Variants in EXOC4 observed in about 807,000 individuals in gnomAD.
The protein encoded by EXOC4 is SEC8-like 1.
A neutral mutation model predicts 107.2 loss-of-function variants in EXOC4; 71 were observed. The ratio of observed to expected loss-of-function variants is 0.66; its 90% confidence interval spans 0.55 to 0.81. EXOC4 has a LOEUF of 0.81. EXOC4 is among the 30% of genes least tolerant of loss of function. The probability of loss-of-function intolerance (pLI) is 0.00; values close to 1 mark genes in which losing one functional copy is unlikely to be tolerated. For synonymous variants in EXOC4, 456 were observed against 441.2 expected (o/e 1.03, Z -0.42); for missense variants, 1,108 against 1,189.6 (o/e 0.93, Z 1.01).
At chr7:133,562,263 A>C (rs17167147) in intron 9 of EXOC4, among the ~76,000 whole-genome samples, 2 of 152,192 alleles carry the variant, frequency 1.3e-5, no homozygotes, top group East Asian at 3.9e-4. Flanking sequence ...GCTCTAGGCT[A>C]TCCAAGCCCA....
chr7:133,523,424 A>G (rs1042280633), intron 9 of EXOC4, among the ~76,000 whole-genome samples: 4 of 148,624 alleles, frequency 2.7e-5, no homozygotes, highest in African/African-American at 7.4e-5. Context: ...TTAAGAGTAT[A>G]TATACCTTTC....
chr7:134,082,033 G>C, the EXOC4 span, among the ~76,000 whole-genome samples: 2 of 152,180 alleles, frequency 1.3e-5, no homozygotes, highest in African/African-American at 4.8e-5. Context: ...TCCTGATCCA[G>C]ACCCCAAGAG....
At chr7:133,857,681 G>A (rs995220205) in intron 11 of EXOC4, among the ~76,000 whole-genome samples, 4 of 151,766 alleles carry the variant, frequency 2.6e-5, no homozygotes, top group South Asian at 2.1e-4. Context: ...TCCAGGCTCC[G>A]TGCAAGCCTA....
In EXOC4 at chr7:133,933,046, A is replaced by AT. The variant is rs11294833; in HGVS notation, c.2028-4832dup. 4.0e-4 allele frequency among the ~76,000 whole-genome samples: 60 copies of AT among 148,660 alleles called. 1 individual carries two copies. Among genetic ancestry groups the AT allele is most frequent in the Admixed American group, 1.1e-3 (17 of 14,894 alleles). On this transcript the variant is annotated intron_variant, in intron 13 of 17. Transcript: ENST00000253861. Reference sequence around the variant, plus strand: ...TGCATCAGGTCTGCTGAAAGCGCAGATTTTTTTTTTTTTCTTTTTTGCTTT... The same window carrying AT: ...TGCATCAGGTCTGCTGAAAGCGCAGATTTTTTTTTTTTTTCTTTTTTGCTTT...
chr7:133,909,033 T>G (rs1055376646), intron 12 of EXOC4, among the ~76,000 whole-genome samples: 2 of 152,150 alleles, frequency 1.3e-5, no homozygotes, highest in Non-Finnish European at 2.9e-5. Context: ...TTCCCCTCCA[T>G]GTGTCCATGT....
rs1358695118 is a variant in EXOC4, at chr7:133,872,516, C to G, written c.1735-23083C>G. On this transcript the variant is annotated intron_variant, in intron 11 of 17. Coordinates refer to ENST00000253861, the MANE Select transcript of EXOC4 (RefSeq NM_021807.4). ...TAGGCACTTAATTTTACCCTCATTG[C>G]TAGAACAAAAGGGAAACAATAAAAG... Among the ~76,000 whole-genome samples, 6 of 151,696 alleles carry G rather than the reference C, an allele frequency of 4.0e-5. No individual in the cohort carries two copies. The South Asian group carries it at 6.2e-4, about 16-fold the overall frequency.
chr7:133,282,371 G>A (rs564144675), intron 2 of EXOC4, among the ~76,000 whole-genome samples: 2 of 152,264 alleles, frequency 1.3e-5, no homozygotes, highest in African/African-American at 4.8e-5. Flanking sequence ...CTCTGAGAAA[G>A]CAAAGGAAAT....
intron 10 of EXOC4, among the ~76,000 whole-genome samples, chr7:133,776,017 G>A (rs998409168): frequency 6.6e-6 from 1 of 151,902 alleles, no homozygotes; most frequent in Non-Finnish European, 1.5e-5. Context: ...GGCATTATTG[G>A]GCATTCTGTA....
chr7:133,884,684 A>G (rs973485453), intron 11 of EXOC4, among the ~76,000 whole-genome samples: 4 of 151,996 alleles, frequency 2.6e-5, no homozygotes, highest in African/African-American at 4.8e-5. Context: ...CTCTGACCAT[A>G]TAGAACCTTA....
rs142054813 is a variant in EXOC4 at position 134,046,237 on chromosome 7, G to A, written c.2688-18054G>A. ...TGGCTCATGCCTATAATCCCACCAC[G>A]TTGGGAGGCTGAGACAGGCGGATCG... On this transcript the variant is annotated intron_variant, in intron 17 of 17. Coordinates refer to ENST00000253861, the MANE Select transcript of EXOC4 (RefSeq NM_021807.4). Among the ~76,000 whole-genome samples, 1,367 of 152,174 alleles carry A rather than the reference G, an allele frequency of 9.0e-3. 10 individuals carry two copies. The highest frequency in any genetic ancestry group is 0.014 in the Non-Finnish European group (951 of 68,014).
intron 1 of EXOC4, among the ~76,000 whole-genome samples, chr7:133,255,494 C>T (rs1304885479): frequency 6.6e-6 from 1 of 152,078 alleles, no homozygotes; most frequent in Non-Finnish European, 1.5e-5. Flanking sequence ...CTACTTTATC[C>T]TTGACCACCT....
chr7:134,094,858 T>C, the EXOC4 span, among the ~76,000 whole-genome samples: 1 of 152,034 alleles, frequency 6.6e-6, no homozygotes, highest in Non-Finnish European at 1.5e-5. Context: ...GCAAACATCA[T>C]ACTGAATGGG....
At chr7:133,709,074 G>A (rs780645255) in intron 10 of EXOC4, among the ~76,000 whole-genome samples, 91 of 152,324 alleles carry the variant, frequency 6.0e-4, no homozygotes, top group Middle Eastern at 6.8e-3. Flanking sequence ...TGATCTGGTT[G>A]CACAAATGGC....
rs1350410124 is a variant in EXOC4, at chr7:133,777,312, AGAGAGAGAG to A, written c.1515-40012_1515-40004del. On this transcript the variant is annotated intron_variant, in intron 10 of 17. Coordinates refer to ENST00000253861, the MANE Select transcript of EXOC4 (RefSeq NM_021807.4). ...GAGAGAGAGAGAGAGAGAGAGAGAGAGAGAGAGAGAATATATATATATATCAATTAAATG... is the reference window on the plus strand; with the variant it reads ...GAGAGAGAGAGAGAGAGAGAGAGAGAAATATATATATATATCAATTAAATG... Among the ~76,000 whole-genome samples the A allele has an allele frequency of 4.2e-4, 49 of 115,772 alleles. 1 individual carries two copies. The highest frequency in any genetic ancestry group is 9.5e-4 in the African/African-American group (28 of 29,464). The allele number at this position is 115,772 out of a possible 152,430, so 76.0% of individuals were successfully genotyped here. A position where few individuals can be genotyped will look rare whatever the true frequency, so the allele number is the denominator to read the frequency against.
intron 11 of EXOC4, among the ~76,000 whole-genome samples, chr7:133,825,532 T>G (rs1477429425): frequency 6.6e-6 from 1 of 152,184 alleles, no homozygotes; most frequent in East Asian, 1.9e-4. Context: ...TATAATAATT[T>G]GCTAGAGATA....
chr7:133,284,749 A>G (rs1794236314), intron 2 of EXOC4, among the ~76,000 whole-genome samples: 1 of 151,928 alleles, frequency 6.6e-6, no homozygotes, highest in East Asian at 1.9e-4. Flanking sequence ...GTTAGCCAGG[A>G]TAGTCTTGAT....
intron 1 of EXOC4, among the ~76,000 whole-genome samples, chr7:133,268,511 G>C (rs1055357128): frequency 3.3e-5 from 5 of 151,854 alleles, no homozygotes; most frequent in Admixed American, 3.3e-4. Flanking sequence ...ATTTTCTCCT[G>C]TCCGGACTCC....
At chr7:133,860,535 C>T (rs530197425) in intron 11 of EXOC4, among the ~76,000 whole-genome samples, 1 of 152,292 alleles carries the variant, frequency 6.6e-6, no homozygotes, top group East Asian at 1.9e-4. Flanking sequence ...AAATCTTTCC[C>T]CCCTTACAGC....
chr7:133,767,962 C>T (rs1796172313), intron 10 of EXOC4: 1 of 151,940 alleles, frequency 6.6e-6, no homozygotes, highest in South Asian at 2.1e-4. Context: ...ATATGCATGG[C>T]ATAAATGGAA....
Sources: allele counts gnomAD v4.1 joint callset (sites outside exome capture counted in the v4.1 genomes callset), GRCh38; gene constraint gnomAD v4.1.1; transcripts MANE v1.5; gene names NCBI Gene and HGNC (gene_info 2026-07-23, HGNC 2026-07-21).